SHANK2: variants seen among roughly 807,000 people sequenced by gnomAD.
SHANK2 encodes the protein SH3 and multiple ankyrin repeat domains 2.
A neutral mutation model predicts 133.7 loss-of-function variants in SHANK2; 43 were observed. The ratio of observed to expected loss-of-function variants is 0.32; its 90% CI spans 0.25 to 0.41. The LOEUF (loss-of-function observed/expected upper bound fraction) is 0.41, where lower values mean the gene tolerates loss of function less well. SHANK2 is among the 10% of genes least tolerant of loss of function. The pLI is 1.00. For missense variants in SHANK2, 1,994 were observed against 2,235.8 expected (o/e 0.89, Z 2.18); for synonymous variants, 1,017 against 952.8 (o/e 1.07, Z -1.24).
chr11:71,189,503 C>G (rs1555115032), intron 2 of SHANK2, among the ~76,000 whole-genome samples: 1 of 152,172 alleles, frequency 6.6e-6, no homozygotes, highest in African/African-American at 2.4e-5. Flanking sequence ...TTCAAGCAAT[C>G]CTCCCATCTC....
chr11:70,499,298 CCT>C (rs2059016842), intron 21 of SHANK2, among the ~76,000 whole-genome samples: 1 of 152,248 alleles, frequency 6.6e-6, no homozygotes, highest in South Asian at 2.1e-4. Flanking sequence ...ACCCTTGCCC[CCT>C]GTTATATCTG....
chr11:71,064,229 G>A (rs1363629901), intron 9 of SHANK2, among the ~76,000 whole-genome samples: 3 of 152,192 alleles, frequency 2.0e-5, no homozygotes, highest in East Asian at 3.8e-4. Flanking sequence ...GCTGGAGAGG[G>A]GGCACAGAAA....
In SHANK2 at chr11:70,472,649, C is replaced by A; in HGVS notation, c.*220G>T. ...GTTAGAAAAACTCCCTCCCCTTGTC[C>A]CATGTGTGATAGAAACTGCCCAAGA... is the stretch of plus-strand genomic sequence containing the variant. On this transcript the variant is annotated 3_prime_UTR_variant, in exon 26 of 26. Transcript: ENST00000601538. The surrounding 1 kb of genome is among the most constrained non-coding windows in gnomAD (Gnocchi z 4.4). 1.7e-6 allele frequency: 1 copy of A among 593,890 alleles called. No individual in the cohort carries two copies. The highest frequency in any genetic ancestry group is 1.9e-5 in the African/African-American group (1 of 53,896). 36.8% of individuals were successfully genotyped at this position (593,890 alleles called of 1,614,324 possible).
chr11:70,703,332 A>G (rs1310477672), intron 14 of SHANK2, among the ~76,000 whole-genome samples: 1 of 152,234 alleles, frequency 6.6e-6, no homozygotes, highest in African/African-American at 2.4e-5. Flanking sequence ...GTACCCATAT[A>G]GGGCTCCTGG....
chr11:71,133,643 AG>A (rs1220240124), intron 3 of SHANK2, among the ~76,000 whole-genome samples: 1 of 151,924 alleles, frequency 6.6e-6, no homozygotes, highest in Admixed American at 6.6e-5. Flanking sequence ...GGGGTGGTCT[AG>A]GGGGCCTCCC....
chr11:70,953,216 T>A (rs1223406306), intron 10 of SHANK2, among the ~76,000 whole-genome samples: 1 of 151,894 alleles, frequency 6.6e-6, no homozygotes, highest in Non-Finnish European at 1.5e-5. Flanking sequence ...TGGGGGTGGA[T>A]CCCTCATGAA....
rs1565496447 is a variant in SHANK2 at position 71,175,598 on chromosome 11, G to GAC, written c.-12-28261_-12-28260insGT. Among the ~76,000 whole-genome samples the GAC allele has an allele frequency of 2.0e-4, 22 of 107,350 alleles. No individual in the cohort carries two copies. The highest frequency in any genetic ancestry group is 2.9e-4 in the East Asian group (1 of 3,398). The allele number at this position is 107,350 out of a possible 152,430, so 70.4% of individuals were successfully genotyped here. A position where few individuals can be genotyped will look rare whatever the true frequency, so the allele number is the denominator to read the frequency against. On this transcript the variant is annotated intron_variant, in intron 2 of 25. Coordinates refer to ENST00000601538, the MANE Select transcript of SHANK2 (RefSeq NM_012309.5). This position sits in a 1 kb window ranked among gnomAD's most constrained non-coding sequence, Gnocchi z 4.2. ...AGAGAGAGAGAGAGAGAGAGAGAGAGAGAGACAGAGACAGAGACATCGCTT... is the reference window on the plus strand; with the variant it reads ...AGAGAGAGAGAGAGAGAGAGAGAGAGACAGAGACAGAGACAGAGACATCGCTT...
rs1193520715 is a variant in SHANK2 at position 71,082,977 on chromosome 11, C to T, written c.913-7702G>A. The stretch of plus-strand genomic sequence containing the variant: ...CCAACCCTTCTGAAACAGGTTCTCA[C>T]TCTGGTTGCCCAGGCTGGAGTACAG... On this transcript the variant is annotated intron_variant, in intron 8 of 25. Transcript: ENST00000601538. 3.5e-5 allele frequency among the ~76,000 whole-genome samples: 5 copies of T among 144,806 alleles called. No homozygotes were observed. In the Admixed American group the frequency reaches 3.5e-4, roughly 10 times the overall value. 95.0% of individuals were successfully genotyped at this position (144,806 alleles called of 152,430 possible).
chr11:70,820,681 C>A lies in SHANK2; in HGVS notation c.1176G>T (p.Val392=). 1 of 675,300 alleles carries A rather than the reference C, an allele frequency of 1.5e-6. No individual in the cohort carries two copies. The allele number at this position is 675,300 out of a possible 1,614,324, so 41.8% of individuals were successfully genotyped here. The change falls in exon 12 of 26, where the codon GTG becomes GTT. Residue 392 remains valine, a splice_region_variant and synonymous_variant. Transcript: ENST00000601538. ...AGTACGCCGGGGCCTCTCGGAAGGG[C>A]ACTGGGGAGAAGGACATGGAGAGAG... ...YIKNHKETDI[V]PFREAPAYSN...
rs566154149 is a variant in SHANK2, at chr11:70,937,296, T to C, written c.1108-40729A>G. Among the ~76,000 whole-genome samples the C allele has an allele frequency of 1.1e-4, 16 of 152,322 alleles. No individual in the cohort carries two copies. The South Asian group carries it at 2.7e-3, about 26-fold the overall frequency. Reference sequence around the variant, plus strand: ...CAAGTGACGGGAGCACAGAAATCTTTTGAAACTCCCCAAGTCATGTGGTAA... The same window carrying C: ...CAAGTGACGGGAGCACAGAAATCTTCTGAAACTCCCCAAGTCATGTGGTAA... On this transcript the variant is annotated intron_variant, in intron 10 of 25. Transcript: ENST00000601538.
At position 70,570,756 on chromosome 11, in the gene SHANK2, C is replaced by G. The variant is rs12285102; in HGVS notation, c.2062-67825G>C. The G allele has an allele frequency of 1.0e-3, 154 of 152,086 alleles. 1 individual carries two copies. The highest frequency in any genetic ancestry group is 3.6e-3 in the African/African-American group (151 of 41,442). 9.4% of individuals were successfully genotyped at this position (152,086 alleles called of 1,614,324 possible). A position where few individuals can be genotyped will look rare whatever the true frequency, so the allele number is the denominator to read the frequency against. On this transcript the variant is annotated intron_variant, in intron 17 of 25. Transcript: ENST00000601538. Reference sequence around the variant, plus strand: ...GAGTGGGGAATGGGGTGTCATAGACCGAGGCCCTCTGGGAATCAATGCCCA... The same window carrying G: ...GAGTGGGGAATGGGGTGTCATAGACGGAGGCCCTCTGGGAATCAATGCCCA...
intron 11 of SHANK2, among the ~76,000 whole-genome samples, chr11:70,894,823 C>A (rs1348072502): frequency 2.0e-5 from 3 of 152,162 alleles, no homozygotes; most frequent in Admixed American, 6.5e-5. Context: ...CCTTACCTCC[C>A]TTCTTCACTG....
At chr11:70,502,183 G>T (rs1555158782) in intron 19 of SHANK2, 23 bp downstream of exon 19, 2 of 1,551,536 alleles carry the variant, frequency 1.3e-6, no homozygotes, top group Non-Finnish European at 1.7e-6. Context: ...ACTGTACAGG[G>T]CTGGGCCGGG....
In SHANK2 at chr11:70,485,551, G is replaced by A. The variant is rs1829965375; in HGVS notation, c.4742C>T (p.Ala1581Val). The A allele has an allele frequency of 6.2e-7, 1 of 1,612,876 alleles. No individual in the cohort carries two copies. Among genetic ancestry groups the A allele is most frequent in the Non-Finnish European group, 8.5e-7 (1 of 1,180,004 alleles). ...GGCACTGCCCGGCGGGGGCGGGGGA[G>A]CGGGCGGGGGGATAACAAAGCTATC... ...DVDSFVIPPPAPPPPPGSAQP... is the reference protein window; with the variant it reads ...DVDSFVIPPPVPPPPPGSAQP... The change falls in exon 25 of 26, where the codon GCT (alanine) becomes GTT (valine). Residue 1581 changes from alanine to valine, a missense_variant. Transcript: ENST00000601538. This position sits in a 1 kb window ranked among gnomAD's most constrained non-coding sequence, Gnocchi z 5.8.
rs180680364 is a variant in SHANK2, at chr11:70,830,158, G to C, written c.1175-9476C>G. 5.0e-3 allele frequency among the ~76,000 whole-genome samples: 766 copies of C among 152,310 alleles called. 5 individuals are homozygous for C. Among genetic ancestry groups the C allele is most frequent in the African/African-American group, 0.017 (715 of 41,558 alleles). ...AAACCTTTGTGCAGCCTCCAGGGCAGTTTTCATCTGGTGTCCCCATCCCTG... is the reference window on the plus strand; with the variant it reads ...AAACCTTTGTGCAGCCTCCAGGGCACTTTTCATCTGGTGTCCCCATCCCTG... On this transcript the variant is annotated intron_variant, in intron 11 of 25. Coordinates refer to ENST00000601538, the MANE Select transcript of SHANK2 (RefSeq NM_012309.5). This position sits in a 1 kb window ranked among gnomAD's most constrained non-coding sequence, Gnocchi z 4.4.
rs544376699 is a variant in SHANK2 at position 70,643,565 on chromosome 11, C to T, written c.2061+16263G>A. Among the ~76,000 whole-genome samples, 12 of 112,782 alleles carry T rather than the reference C, an allele frequency of 1.1e-4. No individual in the cohort carries two copies. The South Asian group carries it at 1.3e-3, about 13-fold the overall frequency. The allele number at this position is 112,782 out of a possible 152,430, so 74.0% of individuals were successfully genotyped here. A position where few individuals can be genotyped will look rare whatever the true frequency, so the allele number is the denominator to read the frequency against. ...TGGGCGACAGAGTGAGACTCCGTCT[C>T]GGAAAAAAAAAAAAAAAAAAAAGCA... is the stretch of plus-strand genomic sequence containing the variant. On this transcript the variant is annotated intron_variant, in intron 17 of 25. Coordinates refer to ENST00000601538, the MANE Select transcript of SHANK2 (RefSeq NM_012309.5).
intron 9 of SHANK2, among the ~76,000 whole-genome samples, chr11:71,059,551 C>T (rs1950962486): frequency 6.6e-6 from 1 of 152,154 alleles, no homozygotes; most frequent in Non-Finnish European, 1.5e-5. Context: ...AGGCAGGCCA[C>T]CCTGGCAGAG....
intron 2 of SHANK2, among the ~76,000 whole-genome samples, chr11:71,202,371 T>C (rs1224626621): frequency 6.6e-6 from 1 of 152,176 alleles, no homozygotes; most frequent in African/African-American, 2.4e-5. Flanking sequence ...CTCAGGTCCT[T>C]GTACCTTAAG....
chr11:70,762,718 G>A (rs1019113270), intron 14 of SHANK2, among the ~76,000 whole-genome samples: 4 of 152,196 alleles, frequency 2.6e-5, no homozygotes, highest in Non-Finnish European at 5.9e-5. Context: ...CTTAGGGCAG[G>A]TGCCCCTGGG....
Sources: gnomAD v4.1 joint callset for allele counts (sites outside exome capture counted in the v4.1 genomes callset) on GRCh38, gnomAD v4.1.1 for gene constraint, Gnocchi (gnomAD v3.1) non-coding constraint, MANE v1.5 for transcripts, NCBI Gene and HGNC (gene_info 2026-07-23, HGNC 2026-07-21) for gene names.